Variants in FREM2 observed in about 807,000 individuals in gnomAD.
FREM2 encodes the protein FRAS1 related extracellular matrix 2.
Under a neutral mutation model 219.9 loss-of-function variants are expected in FREM2, and 119 were observed. The observed-to-expected ratio is 0.54, with a 90% CI of 0.47 to 0.63. The LOEUF (loss-of-function observed/expected upper bound fraction) is 0.63, where lower values mean the gene tolerates loss of function less well. FREM2 is among the 30% of genes least tolerant of loss of function. The probability of loss-of-function intolerance (pLI) is 0.00; values close to 1 mark genes in which losing one functional copy is unlikely to be tolerated. For missense variants in FREM2, 4,030 were observed against 3,993.6 expected, an observed-to-expected ratio of 1.01 and a Z score of -0.25; for synonymous variants, 1,562 against 1,522.8, an observed-to-expected ratio of 1.03 and a Z score of -0.60.
At chr13:38,786,470 A>G (rs1874334355) in intron 6 of FREM2, among the ~76,000 whole-genome samples, 1 of 152,182 alleles carries the variant, frequency 6.6e-6, no homozygotes, top group Admixed American at 6.5e-5. Flanking sequence ...TTCTATTCTG[A>G]TTTAAATAAA....
intron 2 of FREM2, among the ~76,000 whole-genome samples, chr13:38,726,504 A>G (rs1045684710): frequency 2.0e-5 from 3 of 152,166 alleles, no homozygotes; most frequent in African/African-American, 7.2e-5. Flanking sequence ...ATATGAAAAT[A>G]TAATTAATAC....
At chr13:38,701,757 C>A (rs1053480978) in intron 2 of FREM2, among the ~76,000 whole-genome samples, 4 of 152,056 alleles carry the variant, frequency 2.6e-5, no homozygotes, top group Non-Finnish European at 5.9e-5. Context: ...CATTTCCTCT[C>A]CAAAGTTGCT....
chr13:38,762,401 C>G (rs2137807061), intron 2 of FREM2, among the ~76,000 whole-genome samples: 2 of 152,098 alleles, frequency 1.3e-5, no homozygotes, highest in East Asian at 3.9e-4. Context: ...GAATGAGTTT[C>G]CTTGTTAAAC....
At chr13:38,763,464 CT>C (rs1163604743) in intron 2 of FREM2, among the ~76,000 whole-genome samples, 6 of 102,348 alleles carry the variant, frequency 5.9e-5, no homozygotes, top group African/African-American at 1.8e-4. Context: ...GTTACTTGGG[CT>C]TTTTTTTTTT....
Position 38,884,467 on chromosome 13 carries a change from A to T in FREM2, c.*3680A>T, listed in dbSNP as rs777608619. Reference sequence around the variant, plus strand: ...TTATTTCTGCTTTTTGAAAATACTTATTTAGTATTGACTTGGAAGCCAATT... The same window carrying T: ...TTATTTCTGCTTTTTGAAAATACTTTTTTAGTATTGACTTGGAAGCCAATT... On this transcript the variant is annotated 3_prime_UTR_variant, in exon 24 of 24. Coordinates refer to ENST00000280481, the MANE Select transcript of FREM2 (RefSeq NM_207361.6). 5 of 152,188 alleles carry T rather than the reference A, an allele frequency of 3.3e-5. No homozygotes were observed. Among genetic ancestry groups the T allele is most frequent in the Non-Finnish European group, 7.4e-5 (5 of 68,020 alleles). 9.4% of individuals were successfully genotyped at this position (152,188 alleles called of 1,614,324 possible).
intron 11 of FREM2, among the ~76,000 whole-genome samples, chr13:38,853,892 A>T (rs1397877985): frequency 6.6e-6 from 1 of 152,186 alleles, no homozygotes. Flanking sequence ...TTTTCTTGGA[A>T]GTAAAATGAT....
chr13:38,873,823 C>G (rs1878251808), intron 17 of FREM2, among the ~76,000 whole-genome samples: 1 of 152,058 alleles, frequency 6.6e-6, no homozygotes, highest in Non-Finnish European at 1.5e-5. Context: ...TTGTTGTTGT[C>G]TTTTTTTCTC....
chr13:38,879,114 GAT>G (rs1878454608), intron 23 of FREM2, 137 bp downstream of exon 23: 3 of 881,286 alleles, frequency 3.4e-6, no homozygotes, highest in Non-Finnish European at 5.7e-6. Flanking sequence ...CATTGAATAA[GAT>G]ATGGCAAATA....
rs1447231729 is a variant in FREM2, at chr13:38,688,347, C to T, written c.1003C>T (p.Leu335=). 6 of 1,614,090 alleles carry T rather than the reference C, an allele frequency of 3.7e-6. No individual in the cohort carries two copies. The highest frequency in any genetic ancestry group is 1.3e-5 in the African/African-American group (1 of 74,944). ...MMMMEVDQFV[L]TALTPDMLAA... is the part of the protein sequence containing the mutation. The stretch of plus-strand genomic sequence containing the variant: ...GATGATGGAGGTGGACCAGTTTGTA[C>T]TGACGGCCCTGACCCCAGACATGCT... The change falls in exon 1 of 24, where the codon CTG becomes TTG. Residue 335 remains leucine (L), a synonymous_variant. Coordinates refer to ENST00000280481, the MANE Select transcript of FREM2 (RefSeq NM_207361.6).
rs1878322850 is a variant in FREM2, at chr13:38,875,922, G to A, written c.8282-100G>A. ...TTGCAGCCTTCTTATAAAAACAGAA[G>A]CAAATAATGTATGATCATTTATTTT... On this transcript the variant is annotated intron_variant, in intron 18 of 23. Coordinates refer to ENST00000280481, the MANE Select transcript of FREM2 (RefSeq NM_207361.6). 19 of 1,131,758 alleles carry A rather than the reference G, an allele frequency of 1.7e-5. No individual in the cohort carries two copies. In the South Asian group the frequency reaches 2.1e-4, roughly 12 times the overall value. 70.1% of individuals were successfully genotyped at this position (1,131,758 alleles called of 1,614,324 possible).
At chr13:38,706,945 A>G (rs1161339191) in intron 2 of FREM2, among the ~76,000 whole-genome samples, 2 of 152,216 alleles carry the variant, frequency 1.3e-5, no homozygotes, top group Non-Finnish European at 2.9e-5. Context: ...AATAAAGTAT[A>G]GGTACTTTTG....
chr13:38,731,852 G>T (rs911513824), intron 2 of FREM2, among the ~76,000 whole-genome samples: 1 of 152,156 alleles, frequency 6.6e-6, no homozygotes. Context: ...TTGTAAAATA[G>T]TTATCATCAG....
chr13:38,773,584 T>C (rs777283479), intron 4 of FREM2, among the ~76,000 whole-genome samples: 10 of 152,086 alleles, frequency 6.6e-5, no homozygotes, highest in Non-Finnish European at 1.0e-4. Context: ...TTGTGTTTGT[T>C]TGTTTTTTTG....
chr13:38,712,847 T>A (rs1870836146), intron 2 of FREM2, among the ~76,000 whole-genome samples: 1 of 152,216 alleles, frequency 6.6e-6, no homozygotes, highest in African/African-American at 2.4e-5. Context: ...TTTTATTACT[T>A]ACTGACTTAC....
intron 2 of FREM2, among the ~76,000 whole-genome samples, chr13:38,750,298 G>A (rs1305089858): frequency 6.6e-6 from 1 of 152,120 alleles, no homozygotes; most frequent in African/African-American, 2.4e-5. Context: ...TGCTGTTCTT[G>A]TGATAATGAA....
Position 38,687,124 on chromosome 13 carries a change from G to A in FREM2, c.-221G>A, listed in dbSNP as rs1869482705. 3.3e-6 allele frequency: 2 copies of A among 608,790 alleles called. No homozygotes were observed. The highest frequency in any genetic ancestry group is 2.0e-5 in the South Asian group (1 of 49,060). 37.7% of individuals were successfully genotyped at this position (608,790 alleles called of 1,614,324 possible). A position where few individuals can be genotyped will look rare whatever the true frequency, so the allele number is the denominator to read the frequency against. On this transcript the variant is annotated 5_prime_UTR_variant, in exon 1 of 24. Coordinates refer to ENST00000280481, the MANE Select transcript of FREM2 (RefSeq NM_207361.6). ...CCGCGCGATTGAGGCGCTAGCGGCG[G>A]AGCTGGACGGCCTGGGAAGGCTTCG...
intron 4 of FREM2, among the ~76,000 whole-genome samples, chr13:38,780,906 G>T (rs1402436715): frequency 2.0e-5 from 3 of 152,118 alleles, no homozygotes; most frequent in African/African-American, 7.2e-5. Context: ...CCACTATTAG[G>T]CATTCCTGCT....
chr13:38,881,043 G>A lies in FREM2; in HGVS notation c.*256G>A. 1.8e-6 allele frequency: 1 copy of A among 546,756 alleles called. No individual in the cohort carries two copies. The highest frequency in any genetic ancestry group is 3.3e-6 in the Non-Finnish European group (1 of 303,134). The allele number at this position is 546,756 out of a possible 1,614,324, so 33.9% of individuals were successfully genotyped here. ...TATGTACACAGAGCCATGATGTGAG[G>A]AATGTACTCCTCATTTTAGACATAT... On this transcript the variant is annotated 3_prime_UTR_variant, in exon 24 of 24. Transcript: ENST00000280481.
At chr13:38,732,497 C>T (rs1054309930) in intron 2 of FREM2, among the ~76,000 whole-genome samples, 1 of 152,194 alleles carries the variant, frequency 6.6e-6, no homozygotes, top group African/African-American at 2.4e-5. Flanking sequence ...CTGTTGAACT[C>T]TTGTTCTGTG....
Sources: gnomAD v4.1 joint callset for allele counts (sites outside exome capture counted in the v4.1 genomes callset) on GRCh38, gnomAD v4.1.1 for gene constraint, MANE v1.5 for transcripts, NCBI Gene and HGNC (gene_info 2026-07-23, HGNC 2026-07-21) for gene names.